Variants in CACNA1D observed in about 807,000 individuals in gnomAD.
CACNA1D encodes calcium voltage-gated channel subunit alpha1 D.
A neutral mutation model predicts 257.1 loss-of-function variants in CACNA1D; 55 were observed. That is an observed-to-expected ratio of 0.21 (90% CI 0.17 to 0.27). CACNA1D has a LOEUF of 0.27. CACNA1D is among the 10% of genes least tolerant of loss of function. CACNA1D has a pLI of 1.00. For missense variants in CACNA1D, 1,876 were observed against 2,784.0 expected (o/e 0.67, Z 7.34); for synonymous variants, 980 against 1,014.9 (o/e 0.97, Z 0.65).
At chr3:53,669,281 C>G (rs537968620) in intron 7 of CACNA1D, among the ~76,000 whole-genome samples, 2 of 152,376 alleles carry the variant, frequency 1.3e-5, no homozygotes, top group South Asian at 2.1e-4. Flanking sequence ...GCAGAACATC[C>G]CTGCCCAGCA....
At chr3:53,727,558 G>A (rs567386673) in intron 15 of CACNA1D, among the ~76,000 whole-genome samples, 1 of 151,834 alleles carries the variant, frequency 6.6e-6, no homozygotes, top group South Asian at 2.1e-4. Context: ...TTTCCCTGTC[G>A]AGAGGCACCC....
Position 53,686,959 on chromosome 3 carries a change from G to A in CACNA1D, c.1220+13833G>A, listed in dbSNP as rs891211223. Among the ~76,000 whole-genome samples, 11 of 152,004 alleles carry A rather than the reference G, an allele frequency of 7.2e-5. No individual in the cohort carries two copies. The South Asian group carries it at 1.5e-3, about 20-fold the overall frequency. The stretch of plus-strand genomic sequence containing the variant: ...AGCAGGGTGACAGGATACAAAGTCA[G>A]TATACAAAATTCCATTTTATTCCTG... On this transcript the variant is annotated intron_variant, in intron 8 of 47. Coordinates refer to ENST00000350061, the MANE Select transcript of CACNA1D (RefSeq NM_001128840.3).
intron 3 of CACNA1D, among the ~76,000 whole-genome samples, chr3:53,513,335 A>G (rs1351563718): frequency 6.6e-6 from 1 of 152,190 alleles, no homozygotes; most frequent in African/African-American, 2.4e-5. Context: ...TTGTAGCACA[A>G]TTACTTTATT....
intron 3 of CACNA1D, among the ~76,000 whole-genome samples, chr3:53,549,474 T>G (rs778331921): frequency 3.3e-5 from 5 of 152,218 alleles, no homozygotes; most frequent in Non-Finnish European, 5.9e-5. Context: ...CAGAAATGAT[T>G]ACTTTTCTGG....
At chr3:53,755,559 G>A (rs1446369913) in intron 29 of CACNA1D, among the ~76,000 whole-genome samples, 1 of 152,150 alleles carries the variant, frequency 6.6e-6, no homozygotes, top group Non-Finnish European at 1.5e-5. Context: ...TTTTTAAATG[G>A]TTGATTTTTG....
At chr3:53,809,527 C>A in intron 46 of CACNA1D, 1 of 264,242 alleles carries the variant, frequency 3.8e-6, no homozygotes, top group South Asian at 4.7e-5. Flanking sequence ...AGTGCTTTAG[C>A]ACATGCCAAA....
At chr3:53,519,761 C>G (rs1022077701) in intron 3 of CACNA1D, among the ~76,000 whole-genome samples, 3 of 152,156 alleles carry the variant, frequency 2.0e-5, no homozygotes, top group African/African-American at 7.2e-5. Context: ...ACATTTTCAT[C>G]ACCCAAAGAA....
At chr3:53,746,786 T>A (rs1332810364) in intron 25 of CACNA1D, among the ~76,000 whole-genome samples, 1 of 152,246 alleles carries the variant, frequency 6.6e-6, no homozygotes, top group African/African-American at 2.4e-5. Context: ...TCTCTTGGGT[T>A]CCTTCCAGAA....
chr3:53,722,456 T>G lies in CACNA1D; in HGVS notation c.1648T>G (p.Trp550Gly). The G allele has an allele frequency of 1.2e-6, 2 of 1,614,222 alleles. No individual in the cohort carries two copies. The highest frequency in any genetic ancestry group is 1.7e-6 in the Non-Finnish European group (2 of 1,180,038). Residue 550 changes from tryptophan (W) to glycine (G), a missense_variant, in exon 12 of 48, where the codon TGG (tryptophan) becomes GGG (glycine). Trp to Gly is a radical substitution (Grantham distance 184). Coordinates refer to ENST00000350061, the MANE Select transcript of CACNA1D (RefSeq NM_001128840.3). Reference sequence around the variant, plus strand: ...CTCTGAGCACTACAATCAGCCAGATTGGTTGACACAGATTCAAGGTACAAG... The same window carrying G: ...CTCTGAGCACTACAATCAGCCAGATGGGTTGACACAGATTCAAGGTACAAG... ...ISSEHYNQPD[W>G]LTQIQDIANK...
rs925790504 is a variant in CACNA1D, at chr3:53,743,199, G to A, written c.2918+82G>A. 3.3e-5 allele frequency: 28 copies of A among 849,690 alleles called. 1 individual carries two copies. Among genetic ancestry groups the A allele is most frequent in the African/African-American group, 3.0e-4 (18 of 59,612 alleles). 52.6% of individuals were successfully genotyped at this position (849,690 alleles called of 1,614,324 possible). A position where few individuals can be genotyped will look rare whatever the true frequency, so the allele number is the denominator to read the frequency against. On this transcript the variant is annotated intron_variant, in intron 22 of 47. Transcript: ENST00000350061. ...ATTTTAACATAATTGATAAAGGCTG[G>A]GCATCATTTTCATGATTATATTTAG...
At position 53,811,113 on chromosome 3, in the gene CACNA1D, G is replaced by A. The variant is rs749608915; in HGVS notation, c.6193G>A (p.Val2065Ile). 1.2e-6 allele frequency: 2 copies of A among 1,613,542 alleles called. No homozygotes were observed. Among genetic ancestry groups the A allele is most frequent in the Non-Finnish European group, 1.7e-6 (2 of 1,179,604 alleles). ...QRSADSLVEA[V>I]LISEGLGRYA... ...CCATCCATCCCTCTTTTCTGTACAG[G>A]TCCTGATATCCGAAGGCTTGGGACG... The change falls in exon 48 of 48, where the codon GTC becomes ATC. Residue 2065 changes from valine (V) to isoleucine (I), a missense_variant and splice_region_variant. Physicochemically the swap from Val to Ile is conservative, Grantham distance 29. Around this residue, in one of 10 missense-constraint regions of CACNA1D, gnomAD observed 491 missense variants for 554.3 expected, o/e 0.89. Coordinates refer to ENST00000350061, the MANE Select transcript of CACNA1D (RefSeq NM_001128840.3). The surrounding 1 kb of genome is among the most constrained non-coding windows in gnomAD (Gnocchi z 4.2).
At chr3:53,703,633 A>G (rs1236646004) in intron 9 of CACNA1D, among the ~76,000 whole-genome samples, 1 of 152,250 alleles carries the variant, frequency 6.6e-6, no homozygotes, top group Non-Finnish European at 1.5e-5. Flanking sequence ...TTGGATAGGA[A>G]GGACCAAGAA....
chr3:53,804,463 T>A (rs2095551930), intron 44 of CACNA1D, among the ~76,000 whole-genome samples: 1 of 152,220 alleles, frequency 6.6e-6, no homozygotes, highest in Non-Finnish European at 1.5e-5. Flanking sequence ...TTGCTTTTTA[T>A]TTCCATGACT....
At chr3:53,738,769 G>C (rs1381469352) in intron 20 of CACNA1D, among the ~76,000 whole-genome samples, 1 of 151,942 alleles carries the variant, frequency 6.6e-6, no homozygotes, top group Non-Finnish European at 1.5e-5. Flanking sequence ...TTAAAAAAGA[G>C]AGCGAGAGAA....
chr3:53,764,775 T>C (rs2095323254), intron 30 of CACNA1D, among the ~76,000 whole-genome samples: 1 of 152,208 alleles, frequency 6.6e-6, no homozygotes. Context: ...CGCTGAAGTT[T>C]CTAGTTAGCA....
Position 53,531,022 on chromosome 3 carries a change from T to A in CACNA1D, c.483+29302T>A, listed in dbSNP as rs2091932753. Among the ~76,000 whole-genome samples the A allele has an allele frequency of 9.4e-5, 14 of 149,678 alleles. No homozygotes were observed. The South Asian group carries it at 3.0e-3, about 32-fold the overall frequency. On this transcript the variant is annotated intron_variant, in intron 3 of 47. Coordinates refer to ENST00000350061, the MANE Select transcript of CACNA1D (RefSeq NM_001128840.3). ...CACCATGCCCAGCTAATTTTAATTTTTTTTTTTTTTTTTTGTAGAGGTGAG... is the reference window on the plus strand; with the variant it reads ...CACCATGCCCAGCTAATTTTAATTTATTTTTTTTTTTTTTGTAGAGGTGAG...
chr3:53,772,952 C>A, intron 33 of CACNA1D, 54 bp downstream of exon 33: 1 of 1,434,556 alleles, frequency 7.0e-7, no homozygotes, highest in Non-Finnish European at 9.8e-7. Context: ...AGCCCCAAAT[C>A]TGTGGCAAGA....
At chr3:53,669,644 G>A (rs1321749600) in intron 7 of CACNA1D, among the ~76,000 whole-genome samples, 19 of 152,344 alleles carry the variant, frequency 1.2e-4, no homozygotes, top group Admixed American at 1.2e-3. Context: ...GAGAAGGGAA[G>A]TAAAGGTGGG....
chr3:53,586,707 T>G (rs2093223658), intron 3 of CACNA1D, among the ~76,000 whole-genome samples: 1 of 152,182 alleles, frequency 6.6e-6, no homozygotes, highest in South Asian at 2.1e-4. Flanking sequence ...GACAAGATGA[T>G]ATTAAATATT....
Sources: allele counts gnomAD v4.1 joint callset (sites outside exome capture counted in the v4.1 genomes callset), GRCh38; gene constraint gnomAD v4.1.1; regional missense constraint gnomAD v4.1.1; non-coding constraint Gnocchi (gnomAD v3.1); transcripts MANE v1.5; gene names NCBI Gene and HGNC (gene_info 2026-07-23, HGNC 2026-07-21).